MEGF10: variants seen among roughly 807,000 people sequenced by gnomAD.
MEGF10 encodes multiple EGF like domains 10.
In MEGF10, 86 loss-of-function variants were observed where a neutral mutation model predicts 147.5. That is an observed-to-expected ratio of 0.58 (90% CI 0.49 to 0.70). The LOEUF (loss-of-function observed/expected upper bound fraction) is 0.70, where lower values mean the gene tolerates loss of function less well. Ranked by LOEUF, MEGF10 falls within the 30% of genes least tolerant of loss-of-function variation. The pLI, the probability that MEGF10 is intolerant of heterozygous loss-of-function variation, is 0.00. For missense variants in MEGF10, 1,329 were observed against 1,487.3 expected, an observed-to-expected ratio of 0.89 and a Z score of 1.75; for synonymous variants, 478 against 525.5, an observed-to-expected ratio of 0.91 and a Z score of 1.24.
Position 127,350,673 on chromosome 5 carries a change from T to TG in MEGF10, c.319+10046dup, listed in dbSNP as rs1484036882. Among the ~76,000 whole-genome samples the TG allele has an allele frequency of 2.0e-5, 3 of 152,230 alleles. No homozygotes were observed. The East Asian group carries it at 5.8e-4, about 29-fold the overall frequency. ...ACTGTGGAAGGAAGGGAAAGACCCC[T>TG]GGGCCCTTCCCTTCTCAACTGTGCT... On this transcript the variant is annotated intron_variant, in intron 4 of 24. Coordinates refer to ENST00000503335, the MANE Select transcript of MEGF10 (RefSeq NM_001256545.2).
the MEGF10 span, among the ~76,000 whole-genome samples, chr5:127,244,855 AC>A: frequency 6.6e-6 from 1 of 152,182 alleles, no homozygotes; most frequent in Non-Finnish European, 1.5e-5. Flanking sequence ...AAACAAAAAA[AC>A]AAAGTATACC....
intron 2 of MEGF10, among the ~76,000 whole-genome samples, chr5:127,338,879 T>C (rs1761566550): frequency 6.6e-6 from 1 of 152,004 alleles, no homozygotes; most frequent in Non-Finnish European, 1.5e-5. Flanking sequence ...TAGTGAGGAG[T>C]AAAAGAGAAT....
the MEGF10 span, among the ~76,000 whole-genome samples, chr5:127,260,940 G>A: frequency 6.6e-6 from 1 of 152,138 alleles, no homozygotes; most frequent in Non-Finnish European, 1.5e-5. Flanking sequence ...AGTTCCTACA[G>A]TAGTAGGAAC....
At position 127,410,479 on chromosome 5, in the gene MEGF10, C is replaced by T. The variant is rs145815113; in HGVS notation, c.1008C>T (p.Ser336=). ...ACGGAGGGAAGTGTTACCACGTGAG[C>T]GGCGCATGCCTCTGTGAAGCAGGCT... ...CVNGGKCYHV[S]GACLCEAGFA... is the part of the protein sequence containing the mutation. The change falls in exon 9 of 25, where the codon AGC becomes AGT. Residue 336 remains serine, a synonymous_variant. Coordinates refer to ENST00000503335, the MANE Select transcript of MEGF10 (RefSeq NM_001256545.2). The T allele has an allele frequency of 3.7e-5, 59 of 1,614,148 alleles. No individual in the cohort carries two copies. The highest frequency in any genetic ancestry group is 4.6e-5 in the Non-Finnish European group (54 of 1,180,032).
intron 19 of MEGF10, among the ~76,000 whole-genome samples, chr5:127,445,000 C>A (rs1003743604): frequency 6.6e-6 from 1 of 152,158 alleles, no homozygotes; most frequent in African/African-American, 2.4e-5. Context: ...TAAATTGTTA[C>A]CCCAAATTAA....
the MEGF10 span, among the ~76,000 whole-genome samples, chr5:127,283,589 A>C: frequency 2.0e-5 from 3 of 152,360 alleles, no homozygotes; most frequent in South Asian, 6.2e-4. Context: ...TTTAAATAAA[A>C]CAATACAGAA....
chr5:127,272,720 C>T, the MEGF10 span, among the ~76,000 whole-genome samples: 2 of 152,160 alleles, frequency 1.3e-5, no homozygotes, highest in African/African-American at 4.8e-5. Flanking sequence ...CATGATTTGG[C>T]TCTCAGCTTG....
intron 1 of MEGF10, among the ~76,000 whole-genome samples, chr5:127,297,832 G>A (rs62373867): frequency 0.01 from 1,549 of 152,214 alleles, 18 homozygotes; most frequent in Non-Finnish European, 0.018. Context: ...GTAAAAATTG[G>A]CTAGAAATCT....
intron 17 of MEGF10, 37 bp downstream of exon 17, chr5:127,438,604 C>A: frequency 6.2e-7 from 1 of 1,608,468 alleles, no homozygotes; most frequent in Non-Finnish European, 8.5e-7. Context: ...CCAAGGGGAG[C>A]CTTGTCCAAG....
At chr5:127,231,455 G>A in the MEGF10 span, among the ~76,000 whole-genome samples, 1 of 152,178 alleles carries the variant, frequency 6.6e-6, no homozygotes, top group Admixed American at 6.5e-5. Context: ...CATCCATCAG[G>A]TCTCTGCTTA....
chr5:127,391,414 A>C (rs200548784), intron 5 of MEGF10, among the ~76,000 whole-genome samples: 2 of 151,958 alleles, frequency 1.3e-5, no homozygotes, highest in East Asian at 3.9e-4. Context: ...CATCTCTACC[A>C]AAAATACAAA....
At chr5:127,254,431 CT>C in the MEGF10 span, among the ~76,000 whole-genome samples, 1,462 of 152,108 alleles carry the variant, frequency 9.6e-3, 18 homozygotes, top group African/African-American at 0.033. Flanking sequence ...AATGCAAAAG[CT>C]TTTTTTATGA....
intron 2 of MEGF10, among the ~76,000 whole-genome samples, chr5:127,336,771 G>T (rs1229444737): frequency 6.6e-6 from 1 of 152,086 alleles, no homozygotes; most frequent in Non-Finnish European, 1.5e-5. Flanking sequence ...GAGACTGGTT[G>T]AATAAGTTTT....
Position 127,385,544 on chromosome 5 carries a change from A to G in MEGF10, c.413-10988A>G, listed in dbSNP as rs2431495. Among the ~76,000 whole-genome samples, 232 of 152,342 alleles carry G rather than the reference A, an allele frequency of 1.5e-3. No individual in the cohort carries two copies. The South Asian group carries it at 0.019, about 12-fold the overall frequency. On this transcript the variant is annotated intron_variant, in intron 5 of 24. Coordinates refer to ENST00000503335, the MANE Select transcript of MEGF10 (RefSeq NM_001256545.2). ...CGACTTGGCCTGCCAAAGTGCTGGAATTACAGGCATGAGCCACTGTGCCGG... is the reference window on the plus strand; with the variant it reads ...CGACTTGGCCTGCCAAAGTGCTGGAGTTACAGGCATGAGCCACTGTGCCGG...
At chr5:127,306,514 C>T (rs1760018796) in intron 1 of MEGF10, among the ~76,000 whole-genome samples, 1 of 152,204 alleles carries the variant, frequency 6.6e-6, no homozygotes, top group African/African-American at 2.4e-5. Flanking sequence ...ATGCTGGGAA[C>T]TACCATGCCC....
At chr5:127,274,725 T>TAA in the MEGF10 span, among the ~76,000 whole-genome samples, 1 of 152,334 alleles carries the variant, frequency 6.6e-6, no homozygotes, top group African/African-American at 2.4e-5. Context: ...AGTATTCTTA[T>TAA]GGGTCATTTA....
At chr5:127,427,196 C>G (rs978067040) in intron 13 of MEGF10, among the ~76,000 whole-genome samples, 4 of 152,158 alleles carry the variant, frequency 2.6e-5, no homozygotes, top group African/African-American at 9.7e-5. Flanking sequence ...CCCAGGCAGG[C>G]AGTGGCAGTT....
At chr5:127,410,767 A>G (rs930825977) in intron 9 of MEGF10, among the ~76,000 whole-genome samples, 166 bp downstream of exon 9, 1 of 152,246 alleles carries the variant, frequency 6.6e-6, no homozygotes, top group African/African-American at 2.4e-5. Flanking sequence ...ATTTTAACTT[A>G]ATGTGTGATG....
the MEGF10 span, among the ~76,000 whole-genome samples, chr5:127,240,459 T>C: frequency 1.3e-5 from 2 of 152,324 alleles, no homozygotes; most frequent in Admixed American, 6.5e-5. Context: ...ATTTCATACA[T>C]TTTTAACTAT....
Sources: gnomAD v4.1 joint callset for allele counts (sites outside exome capture counted in the v4.1 genomes callset) on GRCh38, gnomAD v4.1.1 for gene constraint, MANE v1.5 for transcripts, NCBI Gene and HGNC (gene_info 2026-07-23, HGNC 2026-07-21) for gene names.